ANKRD24: variants seen among roughly 807,000 people sequenced by gnomAD.
ANKRD24 encodes the protein ankyrin repeat domain 24, also known as ankyrin repeat domain-containing protein 24.
Under a neutral mutation model 127.8 loss-of-function variants are expected in ANKRD24, and 109 were observed. The observed-to-expected ratio is 0.85, with a 90% CI of 0.73 to 1.00. The LOEUF is 1.00. Ranked by LOEUF, ANKRD24 falls within the 50% of genes least tolerant of loss-of-function variation. The pLI, the probability that ANKRD24 is intolerant of heterozygous loss-of-function variation, is 0.00. For synonymous variants in ANKRD24, 743 were observed against 671.1 expected (o/e 1.11, Z -1.66); for missense variants, 1,648 against 1,570.2 (o/e 1.05, Z -0.84).
chr19:4,222,647 G>A (rs758550304), intron 19 of ANKRD24, 23 bp from the exon 20 acceptor site: 49 of 1,581,912 alleles, frequency 3.1e-5, no homozygotes, highest in South Asian at 1.9e-4. Flanking sequence ...TAGGGTGATC[G>A]CTGACAGCAC....
At chr19:4,208,934 G>C (rs1969543393) in intron 11 of ANKRD24, 133 bp downstream of exon 11, 1 of 970,996 alleles carries the variant, frequency 1.0e-6, no homozygotes, top group Non-Finnish European at 1.5e-6. Flanking sequence ...CTACCTTCAG[G>C]GTATGCTGCC....
chr19:4,214,516 C>T (rs1345845286), intron 15 of ANKRD24, among the ~76,000 whole-genome samples: 1 of 152,050 alleles, frequency 6.6e-6, no homozygotes, highest in African/African-American at 2.4e-5. Context: ...ACACAGAGAT[C>T]CACAGGCACA....
intron 13 of ANKRD24, 36 bp from the exon 14 acceptor site, chr19:4,212,439 C>A (rs553227794): frequency 1.3e-6 from 2 of 1,570,572 alleles, no homozygotes; most frequent in East Asian, 2.3e-5. Context: ...GGCCTCTTGC[C>A]CAGATCCAAA....
chr19:4,200,417 G>A (rs1969034780), intron 5 of ANKRD24, among the ~76,000 whole-genome samples: 2 of 152,194 alleles, frequency 1.3e-5, no homozygotes, highest in African/African-American at 4.8e-5. Flanking sequence ...GGAGTGACTA[G>A]GATTCAGGTA....
rs1399200164 is a variant in ANKRD24 at position 4,217,893 on chromosome 19, G to A, written c.2733G>A (p.Gln911=). The part of the protein sequence containing the change: ...ELREASEALR[Q]SVVPASEHRR... The stretch of plus-strand genomic sequence containing the variant: ...GGGAGGCCTCCGAGGCCCTCCGCCA[G>A]TCCGTGGTGCCGGCCTCTGAGCACC... The change falls in exon 18 of 22, where the codon CAG becomes CAA. Residue 911 remains glutamine, a synonymous_variant. Transcript: ENST00000318934. 1.3e-5 allele frequency: 19 copies of A among 1,475,092 alleles called. No individual in the cohort carries two copies. Among genetic ancestry groups the A allele is most frequent in the Non-Finnish European group, 1.7e-5 (19 of 1,120,680 alleles). 91.4% of individuals were successfully genotyped at this position (1,475,092 alleles called of 1,614,324 possible). A position where few individuals can be genotyped will look rare whatever the true frequency, so the allele number is the denominator to read the frequency against.
In ANKRD24 at chr19:4,198,058, G is replaced by A; in HGVS notation, c.37-1625G>A. Reference sequence around the variant, plus strand: ...CGGCCGCGTGGAGGTGCGAGGCTGCGGACGTCGCGGGCCCGGAGGCACCTG... The same window carrying A: ...CGGCCGCGTGGAGGTGCGAGGCTGCAGACGTCGCGGGCCCGGAGGCACCTG... On this transcript the variant is annotated intron_variant, in intron 2 of 21. Transcript: ENST00000318934. The surrounding 1 kb of genome is among the most constrained non-coding windows in gnomAD (Gnocchi z 6.1). 1 of 415,958 alleles carries A rather than the reference G, an allele frequency of 2.4e-6. No homozygotes were observed. Among genetic ancestry groups the A allele is most frequent in the Non-Finnish European group, 4.3e-6 (1 of 234,578 alleles). The allele number at this position is 415,958 out of a possible 1,614,324, so 25.8% of individuals were successfully genotyped here. A position where few individuals can be genotyped will look rare whatever the true frequency, so the allele number is the denominator to read the frequency against.
In ANKRD24 at chr19:4,210,296, G is replaced by T; in HGVS notation, c.983G>T (p.Arg328Met). ...CGAGATGCCTATGAGGAGATCGTGA[G>T]GCTGCGGCAGGAGAGGGGCCGCCTC... ...DDRDAYEEIV[R>M]LRQERGRLLQ... Residue 328 changes from arginine (R) to methionine (M), a missense_variant, in exon 13 of 22, where the codon AGG becomes ATG. Transcript: ENST00000318934. 1 of 1,588,130 alleles carries T rather than the reference G, an allele frequency of 6.3e-7. No individual in the cohort carries two copies. Among genetic ancestry groups the T allele is most frequent in the South Asian group, 1.2e-5 (1 of 86,934 alleles).
Position 4,186,474 on chromosome 19 carries a change from C to T in ANKRD24, c.36+13C>T. 1 of 1,588,074 alleles carries T rather than the reference C, an allele frequency of 6.3e-7. No homozygotes were observed. The highest frequency in any genetic ancestry group is 1.2e-5 in the South Asian group (1 of 86,832). ...TAAGAAGACAGAGGTGAGTGTGAGG[C>T]CCTAGATGCCCGATACACCCCTGCA... On this transcript the variant is annotated intron_variant, in intron 2 of 21. Coordinates refer to ENST00000318934, the MANE Select transcript of ANKRD24 (RefSeq NM_001393985.1).
rs1968931061 is a variant in ANKRD24, at chr19:4,198,997, G to A, written c.37-686G>A. On this transcript the variant is annotated intron_variant, in intron 2 of 21. Transcript: ENST00000318934. The surrounding 1 kb of genome is among the most constrained non-coding windows in gnomAD (Gnocchi z 6.1). ...GTTTTACAGAACACTTCAGGAATTT[G>A]GGGGAGACATTTCGTAATGCATTTC... 6.6e-6 allele frequency among the ~76,000 whole-genome samples: 1 copy of A among 152,092 alleles called. No individual in the cohort carries two copies. The highest frequency in any genetic ancestry group is 2.1e-4 in the South Asian group (1 of 4,830).
rs769007280 is a variant in ANKRD24, at chr19:4,217,251, A to T, written c.2091A>T (p.Val697=). Residue 697 remains valine (V), a synonymous_variant, in exon 18 of 22, where the codon GTA becomes GTT. Coordinates refer to ENST00000318934, the MANE Select transcript of ANKRD24 (RefSeq NM_001393985.1). ...VSATGVENPG[V]EATVPGISAG... The stretch of plus-strand genomic sequence containing the variant: ...CCACAGGTGTGGAGAACCCAGGGGT[A>T]GAGGCCACGGTCCCGGGGATCTCTG... The T allele has an allele frequency of 6.3e-7, 1 of 1,587,238 alleles. No individual in the cohort carries two copies. Among genetic ancestry groups the T allele is most frequent in the Admixed American group, 1.8e-5 (1 of 54,744 alleles).
intron 15 of ANKRD24, among the ~76,000 whole-genome samples, chr19:4,212,964 C>G (rs1471468752): frequency 1.3e-5 from 2 of 152,178 alleles, no homozygotes; most frequent in East Asian, 3.9e-4. Context: ...AACCCCGTCT[C>G]TACTACAAAT....
chr19:4,213,994 T>G (rs1191169547), intron 15 of ANKRD24, among the ~76,000 whole-genome samples: 2 of 152,102 alleles, frequency 1.3e-5, no homozygotes, highest in East Asian at 3.9e-4. Context: ...CCACTCTCTA[T>G]GCACGTGGCG....
intron 19 of ANKRD24, among the ~76,000 whole-genome samples, chr19:4,222,333 G>A (rs1424960399): frequency 6.6e-6 from 1 of 152,322 alleles, no homozygotes. Context: ...AAGTTGTAGT[G>A]AGCTGAGATC....
chr19:4,207,455 G>T, intron 8 of ANKRD24, 46 bp from the exon 9 acceptor site: 3 of 1,592,162 alleles, frequency 1.9e-6, no homozygotes, highest in South Asian at 2.2e-5. Flanking sequence ...TGCACCTCCC[G>T]GGGGTCAGTT....
At position 4,212,580 on chromosome 19, in the gene ANKRD24, G is replaced by A. The variant is rs1014499020; in HGVS notation, c.1099-20G>A. On this transcript the variant is annotated intron_variant, in intron 14 of 21. Transcript: ENST00000318934. ...AGCCTTTCCTCCCAGAGGCAGCTGA[G>A]CCTCCACTGCTGCTCCCAGGTGCAA... The A allele has an allele frequency of 6.5e-7, 1 of 1,549,252 alleles. No homozygotes were observed. The highest frequency in any genetic ancestry group is 1.4e-5 in the African/African-American group (1 of 72,976).
chr19:4,216,156 A>C lies in ANKRD24; in HGVS notation c.1270+106A>C. The C allele has an allele frequency of 3.6e-6, 5 of 1,407,522 alleles. No individual in the cohort carries two copies. In the South Asian group the frequency reaches 6.3e-5, roughly 18 times the overall value. 87.2% of individuals were successfully genotyped at this position (1,407,522 alleles called of 1,614,324 possible). A position where few individuals can be genotyped will look rare whatever the true frequency, so the allele number is the denominator to read the frequency against. On this transcript the variant is annotated intron_variant, in intron 16 of 21. Transcript: ENST00000318934. ...GTTTGAAGCTGGGAGGGAGGTTTGTACTCATCCGTTTTTTAAATTCTGCTT... is the reference window on the plus strand; with the variant it reads ...GTTTGAAGCTGGGAGGGAGGTTTGTCCTCATCCGTTTTTTAAATTCTGCTT...
chr19:4,196,294 G>A (rs1189585367), intron 2 of ANKRD24, among the ~76,000 whole-genome samples: 4 of 152,176 alleles, frequency 2.6e-5, no homozygotes, highest in Non-Finnish European at 4.4e-5. Flanking sequence ...TCACCTGTCT[G>A]CTGCGTCGTT....
At chr19:4,202,791 A>G (rs908932821) in intron 6 of ANKRD24, 78 bp from the exon 7 acceptor site, 4 of 1,453,972 alleles carry the variant, frequency 2.8e-6, no homozygotes, top group Admixed American at 2.0e-5. Flanking sequence ...AGCAGAGCCC[A>G]GGGTAGGGAA....
In ANKRD24 at chr19:4,198,143, C is replaced by G. The variant is rs1210739449; in HGVS notation, c.37-1540C>G. 9.5e-6 allele frequency: 5 copies of G among 524,598 alleles called. No homozygotes were observed. The highest frequency in any genetic ancestry group is 1.3e-5 in the Non-Finnish European group (4 of 298,958). The allele number at this position is 524,598 out of a possible 1,614,324, so 32.5% of individuals were successfully genotyped here. On this transcript the variant is annotated intron_variant, in intron 2 of 21. Transcript: ENST00000318934. The surrounding 1 kb of genome is among the most constrained non-coding windows in gnomAD (Gnocchi z 6.1). ...GACGCCCGCGGGTCCCCTGGAGATGCAGCCGGCGGCCTGCGCTGGTGAGGG... is the reference window on the plus strand; with the variant it reads ...GACGCCCGCGGGTCCCCTGGAGATGGAGCCGGCGGCCTGCGCTGGTGAGGG...
Sources: gnomAD v4.1 joint callset for allele counts (sites outside exome capture counted in the v4.1 genomes callset) on GRCh38, gnomAD v4.1.1 for gene constraint, Gnocchi (gnomAD v3.1) non-coding constraint, MANE v1.5 for transcripts, NCBI Gene and HGNC (gene_info 2026-07-23, HGNC 2026-07-21) for gene names.